GCN1: variants seen among roughly 807,000 people sequenced by gnomAD.
The protein encoded by GCN1 is GCN1 activator of EIF2AK4.
Under a neutral mutation model 288.4 loss-of-function variants are expected in GCN1, and 90 were observed. That is an observed-to-expected ratio of 0.31 (90% CI 0.26 to 0.37). The LOEUF (loss-of-function observed/expected upper bound fraction) is 0.37, where lower values mean the gene tolerates loss of function less well. Among genes scored for constraint, GCN1 ranks in the 10% least tolerant of loss-of-function variants. GCN1 has a pLI of 1.00. For missense variants in GCN1, 2,586 were observed against 3,419.9 expected (o/e 0.76, Z 6.08); for synonymous variants, 1,386 against 1,420.2 (o/e 0.98, Z 0.54).
At chr12:120,194,650 C>T (rs555787251) in intron 1 of GCN1, 30 bp downstream of exon 1, 1 of 1,512,886 alleles carries the variant, frequency 6.6e-7, no homozygotes, top group Non-Finnish European at 8.8e-7. Context: ...CAGTCCCTGG[C>T]CGCGTTGGCC....
In GCN1 at chr12:120,136,508, C is replaced by A; in HGVS notation, c.7002G>T (p.Leu2334Phe). The change falls in exon 51 of 58, where the codon TTG becomes TTT. Residue 2334 changes from leucine (L) to phenylalanine (F), a missense_variant. Coordinates refer to ENST00000300648, the MANE Select transcript of GCN1 (RefSeq NM_006836.2). Reference sequence around the variant, plus strand: ...AAACTCATCAGCCACTCACCTTAGCCAACAAGAGGCTGAGTGTCTCGAGCA... The same window carrying A: ...AAACTCATCAGCCACTCACCTTAGCAAACAAGAGGCTGAGTGTCTCGAGCA... Reference protein sequence around the residue: ...AALLETLSLLLAKVGIALKPF... With the variant: ...AALLETLSLLFAKVGIALKPF... The A allele has an allele frequency of 6.2e-7, 1 of 1,612,350 alleles. No individual in the cohort carries two copies. Among genetic ancestry groups the A allele is most frequent in the East Asian group, 2.2e-5 (1 of 44,890 alleles).
intron 1 of GCN1, among the ~76,000 whole-genome samples, chr12:120,192,732 G>GA (rs10555637): frequency 1.2e-3 from 130 of 108,560 alleles, no homozygotes; most frequent in Middle Eastern, 5.3e-3. Flanking sequence ...ACTCCGTCTC[G>GA]AAAAAAAAAA....
At chr12:120,147,334 G>T in intron 37 of GCN1, 62 bp from the exon 38 acceptor site, 1 of 924,030 alleles carries the variant, frequency 1.1e-6, no homozygotes, top group South Asian at 2.0e-5. Flanking sequence ...AGGCCCCTGG[G>T]CCCCCAGAAC....
At chr12:120,150,081 G>A (rs1594268358) in intron 34 of GCN1, 38 bp from the exon 35 acceptor site, 1 of 1,609,510 alleles carries the variant, frequency 6.2e-7, no homozygotes, top group East Asian at 2.2e-5. Flanking sequence ...GGAAGAGAAT[G>A]TCCCCTGGGG....
At chr12:120,181,811 C>T (rs1019808447) in intron 5 of GCN1, among the ~76,000 whole-genome samples, 1 of 138,188 alleles carries the variant, frequency 7.2e-6, no homozygotes, top group Middle Eastern at 4.4e-3. Context: ...TGCACTCCAG[C>T]CTATGCAACA....
rs948248950 is a variant in GCN1, at chr12:120,178,042, G to A, written c.661-290C>T. ...CATTCCTGCCACTCCAACCCCGCTC[G>A]CCTCCTCTCTGTTCCTGCCCACAGG... On this transcript the variant is annotated intron_variant, in intron 7 of 57. Coordinates refer to ENST00000300648, the MANE Select transcript of GCN1 (RefSeq NM_006836.2). Among the ~76,000 whole-genome samples, 3 of 152,102 alleles carry A rather than the reference G, an allele frequency of 2.0e-5. No individual in the cohort carries two copies. In the South Asian group the frequency reaches 6.2e-4, roughly 32 times the overall value.
chr12:120,181,570 T>G (rs1878662588), intron 5 of GCN1, among the ~76,000 whole-genome samples: 1 of 150,556 alleles, frequency 6.6e-6, no homozygotes, highest in Non-Finnish European at 1.5e-5. Context: ...CCAGGTGCAG[T>G]GGCTCATGCC....
chr12:120,158,188 A>C lies in GCN1; in HGVS notation c.2906-158T>G, dbSNP rs1049496112. On this transcript the variant is annotated intron_variant, in intron 25 of 57. Transcript: ENST00000300648. This position sits in a 1 kb window ranked among gnomAD's most constrained non-coding sequence, Gnocchi z 4.3. ...CACGAGGACAGAGACAGCAGCTGGTAGTCCAGTTCTAAAACCAATTCTGCT... is the reference window on the plus strand; with the variant it reads ...CACGAGGACAGAGACAGCAGCTGGTCGTCCAGTTCTAAAACCAATTCTGCT... Among the ~76,000 whole-genome samples, 1 of 152,224 alleles carries C rather than the reference A, an allele frequency of 6.6e-6. No homozygotes were observed. The highest frequency in any genetic ancestry group is 1.5e-5 in the Non-Finnish European group (1 of 68,020).
chr12:120,165,028 C>T (rs912395902), intron 16 of GCN1, among the ~76,000 whole-genome samples: 16 of 143,928 alleles, frequency 1.1e-4, no homozygotes, highest in Admixed American at 2.1e-4. Flanking sequence ...CACACACACA[C>T]ACACACACAT....
Position 120,156,324 on chromosome 12 carries a change from C to T in GCN1, c.3312+137G>A. The T allele has an allele frequency of 1.3e-6, 1 of 781,392 alleles. No individual in the cohort carries two copies. The highest frequency in any genetic ancestry group is 2.1e-6 in the Non-Finnish European group (1 of 480,974). 48.4% of individuals were successfully genotyped at this position (781,392 alleles called of 1,614,324 possible). ...TAGTGTTCTGATTCTCAGAGAGACCCCAACCATGTGACTTCTTCTCTTTGC... is the reference window on the plus strand; with the variant it reads ...TAGTGTTCTGATTCTCAGAGAGACCTCAACCATGTGACTTCTTCTCTTTGC... On this transcript the variant is annotated intron_variant, in intron 28 of 57. Transcript: ENST00000300648. The surrounding 1 kb of genome is among the most constrained non-coding windows in gnomAD (Gnocchi z 5.8).
rs780238307 is a variant in GCN1, at chr12:120,168,317, G to A, written c.1520-17C>T. ...GTTTGGCCTCTGCAAGAAACAAAAG[G>A]TTACCCCACGACGCAGCTCACCACA... On this transcript the variant is annotated splice_polypyrimidine_tract_variant and intron_variant, in intron 15 of 57. Coordinates refer to ENST00000300648, the MANE Select transcript of GCN1 (RefSeq NM_006836.2). 50 of 1,438,664 alleles carry A rather than the reference G, an allele frequency of 3.5e-5. No homozygotes were observed. The Admixed American group carries it at 6.4e-4, about 18-fold the overall frequency. The allele number at this position is 1,438,664 out of a possible 1,614,324, so 89.1% of individuals were successfully genotyped here. A position where few individuals can be genotyped will look rare whatever the true frequency, so the allele number is the denominator to read the frequency against.
chr12:120,134,447 C>T lies in GCN1; in HGVS notation c.7203-42G>A, dbSNP rs1446452066. 2 of 1,585,160 alleles carry T rather than the reference C, an allele frequency of 1.3e-6. No individual in the cohort carries two copies. The highest frequency in any genetic ancestry group is 1.3e-5 in the African/African-American group (1 of 74,366). On this transcript the variant is annotated intron_variant, in intron 52 of 57. Coordinates refer to ENST00000300648, the MANE Select transcript of GCN1 (RefSeq NM_006836.2). The surrounding 1 kb of genome is among the most constrained non-coding windows in gnomAD (Gnocchi z 5.0). ...CCGCCTTAAGCCCTGGGTGCCTCCA[C>T]CACCACCCCTCCTGCCAGCGCAGGC...
chr12:120,183,952 G>T (rs1355262224), intron 4 of GCN1, among the ~76,000 whole-genome samples, 160 bp downstream of exon 4: 1 of 152,148 alleles, frequency 6.6e-6, no homozygotes, highest in African/African-American at 2.4e-5. Flanking sequence ...CCTCAAAATG[G>T]CCTTGCTTCC....
Position 120,134,602 on chromosome 12 carries a change from T to C in GCN1, c.7133A>G (p.His2378Arg). ...TGTGAAGAGGGGGTCCACCTTAATGTGGATGGAAATGAGCTTCCCCAGAGC... is the reference window on the plus strand; with the variant it reads ...TGTGAAGAGGGGGTCCACCTTAATGCGGATGGAAATGAGCTTCCCCAGAGC... ...ADALGKLISI[H>R]IKVDPLFTEL... Residue 2378 changes from histidine to arginine, a missense_variant, in exon 52 of 58, where the codon CAC becomes CGC. Transcript: ENST00000300648. The surrounding 1 kb of genome is among the most constrained non-coding windows in gnomAD (Gnocchi z 5.0). 1.9e-6 allele frequency: 3 copies of C among 1,614,084 alleles called. No individual in the cohort carries two copies. The highest frequency in any genetic ancestry group is 2.5e-6 in the Non-Finnish European group (3 of 1,180,004).
At chr12:120,128,063 C>T in intron 57 of GCN1, 89 bp from the exon 58 acceptor site, 1 of 1,428,970 alleles carries the variant, frequency 7.0e-7, no homozygotes, top group Non-Finnish European at 9.8e-7. Context: ...TGAATGTTAA[C>T]CCCAGAACTA....
rs771021455 is a variant in GCN1 at position 120,178,695 on chromosome 12, G to A, written c.590C>T (p.Ala197Val). The change falls in exon 7 of 58, where the codon GCT becomes GTT. Residue 197 changes from alanine to valine, a missense_variant. Coordinates refer to ENST00000300648, the MANE Select transcript of GCN1 (RefSeq NM_006836.2). ...CTGCACCAGCAGCCCCAGCATGCCAGCATAGTTCTGGTTGGGCTCTAGGCT... is the reference window on the plus strand; with the variant it reads ...CTGCACCAGCAGCCCCAGCATGCCAACATAGTTCTGGTTGGGCTCTAGGCT... ...ILSLEPNQNY[A>V]GMLGLLVQFC... 1 of 1,614,080 alleles carries A rather than the reference G, an allele frequency of 6.2e-7. No individual in the cohort carries two copies. The highest frequency in any genetic ancestry group is 1.1e-5 in the South Asian group (1 of 91,076).
intron 2 of GCN1, among the ~76,000 whole-genome samples, chr12:120,189,262 A>G (rs897177594): frequency 2.0e-5 from 3 of 152,028 alleles, no homozygotes; most frequent in African/African-American, 7.2e-5. Flanking sequence ...CAGTAGAGAC[A>G]GGGTTTCACC....
intron 18 of GCN1, among the ~76,000 whole-genome samples, chr12:120,164,030 G>A (rs898350027): frequency 6.6e-6 from 1 of 152,214 alleles, no homozygotes. Context: ...CAACTTGGGA[G>A]GCTGAGGTGG....
intron 12 of GCN1, among the ~76,000 whole-genome samples, chr12:120,174,856 C>A (rs1878428046): frequency 6.8e-6 from 1 of 148,140 alleles, no homozygotes; most frequent in Admixed American, 6.7e-5. Context: ...CAGAGAAATC[C>A]TGTACCTGCC....
Sources: allele counts gnomAD v4.1 joint callset (sites outside exome capture counted in the v4.1 genomes callset), GRCh38; gene constraint gnomAD v4.1.1; non-coding constraint Gnocchi (gnomAD v3.1); transcripts MANE v1.5; gene names NCBI Gene and HGNC (gene_info 2026-07-23, HGNC 2026-07-21).